The following TENM2 variants were observed in gnomAD, a reference collection of about 807,000 sequenced individuals.
TENM2 encodes the protein teneurin-2.
Under a neutral mutation model 245.2 loss-of-function variants are expected in TENM2, and 52 were observed. The observed-to-expected ratio is 0.21, with a 90% confidence interval of 0.17 to 0.27. TENM2 has a LOEUF of 0.27. TENM2 is among the 10% of genes least tolerant of loss of function. The probability of loss-of-function intolerance (pLI) is 1.00; values close to 1 mark genes in which losing one functional copy is unlikely to be tolerated. For synonymous variants in TENM2, 1,363 were observed against 1,438.9 expected (o/e 0.95, Z 1.19); for missense variants, 3,046 against 3,666.8 (o/e 0.83, Z 4.37).
intron 2 of TENM2, among the ~76,000 whole-genome samples, chr5:167,402,053 A>C (rs1197709629): frequency 6.6e-6 from 1 of 152,104 alleles, no homozygotes; most frequent in Admixed American, 6.6e-5. Context: ...AAATAAGAGA[A>C]TATTGTCAGT....
chr5:167,672,985 G>A (rs895084167), intron 2 of TENM2, among the ~76,000 whole-genome samples: 6 of 150,622 alleles, frequency 4.0e-5, no homozygotes, highest in Admixed American at 1.3e-4. Flanking sequence ...TTTCTCTGGA[G>A]ATACCAGCCC....
At chr5:167,199,843 C>T in the TENM2 span, among the ~76,000 whole-genome samples, 1 of 152,022 alleles carries the variant, frequency 6.6e-6, no homozygotes, top group Non-Finnish European at 1.5e-5. Flanking sequence ...GCTGATGGAA[C>T]ATTTTGTTGT....
At chr5:167,921,031 A>G (rs1777327935) in intron 3 of TENM2, among the ~76,000 whole-genome samples, 1 of 152,184 alleles carries the variant, frequency 6.6e-6, no homozygotes, top group Non-Finnish European at 1.5e-5. Flanking sequence ...TAAATATGAA[A>G]TTACTGCAAA....
chr5:167,720,636 T>C (rs1333702492), intron 2 of TENM2, among the ~76,000 whole-genome samples: 3 of 152,256 alleles, frequency 2.0e-5, no homozygotes, highest in African/African-American at 7.2e-5. Context: ...TTTGCATGTT[T>C]TTCTCTGAAA....
At chr5:167,293,174 T>C (rs1192832478) in intron 1 of TENM2, among the ~76,000 whole-genome samples, 1 of 152,010 alleles carries the variant, frequency 6.6e-6, no homozygotes, top group Non-Finnish European at 1.5e-5. Context: ...AGAAATGTTA[T>C]TGAGATAAAA....
At chr5:167,557,973 T>C (rs1209621627) in intron 2 of TENM2, among the ~76,000 whole-genome samples, 1 of 152,218 alleles carries the variant, frequency 6.6e-6, no homozygotes, top group Non-Finnish European at 1.5e-5. Context: ...GATTTAGTAA[T>C]TGGAACTGCT....
exon 13 of TENM2, chr5:168,162,655 G>A: frequency 2.5e-6 from 4 of 1,614,012 alleles, no homozygotes; most frequent in Non-Finnish European, 3.4e-6. Flanking sequence ...ATGCACACTG[G>A]GTCAGAACAG....
intron 13 of TENM2, among the ~76,000 whole-genome samples, chr5:168,190,112 G>C (rs1206497627): frequency 6.6e-6 from 1 of 152,210 alleles, no homozygotes; most frequent in East Asian, 1.9e-4. Flanking sequence ...TCTGCTACAT[G>C]AGGATAACCA....
intron 2 of TENM2, among the ~76,000 whole-genome samples, chr5:167,832,252 T>C (rs1768567607): frequency 6.6e-6 from 1 of 152,198 alleles, no homozygotes; most frequent in Non-Finnish European, 1.5e-5. Flanking sequence ...ATGCTTTTAA[T>C]GAGGTCAGGA....
intron 4 of TENM2, among the ~76,000 whole-genome samples, chr5:167,983,580 T>G (rs551480625): frequency 6.6e-6 from 1 of 152,300 alleles, no homozygotes; most frequent in Non-Finnish European, 1.5e-5. Context: ...CCTATTTTTT[T>G]CCTGAATCAA....
chr5:167,685,743 G>C (rs1757033038), intron 2 of TENM2, among the ~76,000 whole-genome samples: 1 of 152,116 alleles, frequency 6.6e-6, no homozygotes, highest in East Asian at 1.9e-4. Flanking sequence ...GTCTGTGGTA[G>C]GTGGTAAAAA....
chr5:167,034,592 T>C, the TENM2 span, among the ~76,000 whole-genome samples: 5 of 125,774 alleles, frequency 4.0e-5, no homozygotes, highest in African/African-American at 1.6e-4. Context: ...ATCCCGCCAC[T>C]GCACTCCAGC....
intron 2 of TENM2, among the ~76,000 whole-genome samples, chr5:167,436,640 C>T (rs1764570588): frequency 6.6e-6 from 1 of 152,124 alleles, no homozygotes; most frequent in African/African-American, 2.4e-5. Context: ...AGCAGCCTGT[C>T]CCATCACAGA....
intron 11 of TENM2, among the ~76,000 whole-genome samples, 192 bp downstream of exon 13, chr5:168,125,242 G>A (rs1293585853): frequency 1.3e-5 from 2 of 152,176 alleles, no homozygotes; most frequent in African/African-American, 2.4e-5. Flanking sequence ...AAACAAAAAA[G>A]CACTGGGTTG....
At chr5:167,185,385 A>G in the TENM2 span, among the ~76,000 whole-genome samples, 1 of 152,176 alleles carries the variant, frequency 6.6e-6, no homozygotes, top group Non-Finnish European at 1.5e-5. Context: ...GATATCTTCT[A>G]CAGTGATTCT....
chr5:167,944,915 G>T (rs959857218), intron 3 of TENM2, among the ~76,000 whole-genome samples: 1 of 152,148 alleles, frequency 6.6e-6, no homozygotes, highest in Admixed American at 6.6e-5. Context: ...AACAAACAAA[G>T]ACGGAGGAGT....
chr5:167,447,184 C>A (rs1765278810), intron 2 of TENM2, among the ~76,000 whole-genome samples: 1 of 152,180 alleles, frequency 6.6e-6, no homozygotes, highest in Non-Finnish European at 1.5e-5. Flanking sequence ...CAGAGCCTCC[C>A]TCAGCCTCAA....
chr5:167,631,112 G>GTT (rs1409809772), intron 2 of TENM2, among the ~76,000 whole-genome samples: 1 of 152,146 alleles, frequency 6.6e-6, no homozygotes, highest in African/African-American at 2.4e-5. Context: ...ACTCGTGGCA[G>GTT]TTTAAGATTT....
At chr5:168,239,215 A>T (rs1317804900) in intron 25 of TENM2, among the ~76,000 whole-genome samples, 1 of 152,154 alleles carries the variant, frequency 6.6e-6, no homozygotes, top group Admixed American at 6.5e-5. Context: ...CACCCTCATA[A>T]TTAAAGAAAT....
Sources: allele counts gnomAD v4.1 joint callset (sites outside exome capture counted in the v4.1 genomes callset), GRCh38; gene constraint gnomAD v4.1.1; transcripts MANE v1.5; gene names NCBI Gene and HGNC (gene_info 2026-07-23, HGNC 2026-07-21).